PPP1R12A: variants seen among roughly 807,000 people sequenced by gnomAD.
PPP1R12A encodes the protein protein phosphatase 1 regulatory subunit 12A, also known as myosin binding subunit.
A neutral mutation model predicts 139.6 loss-of-function variants in PPP1R12A; 19 were observed. The ratio of observed to expected loss-of-function variants is 0.14; its 90% CI spans 0.09 to 0.20. The LOEUF (loss-of-function observed/expected upper bound fraction) is 0.20, where lower values mean the gene tolerates loss of function less well. Among genes scored for constraint, PPP1R12A ranks in the 10% least tolerant of loss-of-function variants. PPP1R12A has a pLI of 1.00. For synonymous variants in PPP1R12A, 427 were observed against 420.6 expected, an observed-to-expected ratio of 1.02 and a Z score of -0.19; for missense variants, 925 against 1,211.5, an observed-to-expected ratio of 0.76 and a Z score of 3.51.
At chr12:79,888,451 A>G (rs1884303328) in intron 1 of PPP1R12A, among the ~76,000 whole-genome samples, 1 of 152,180 alleles carries the variant, frequency 6.6e-6, no homozygotes, top group Non-Finnish European at 1.5e-5. Context: ...CTACATCAGA[A>G]CCCAGAGGGC....
intron 3 of PPP1R12A, among the ~76,000 whole-genome samples, chr12:79,842,334 G>A (rs1307203065): frequency 6.6e-6 from 1 of 152,044 alleles, no homozygotes. Context: ...CAAACCCGCA[G>A]TCATTAGGAA....
intron 1 of PPP1R12A, among the ~76,000 whole-genome samples, chr12:79,911,486 C>T (rs186778482): frequency 6.6e-6 from 1 of 152,202 alleles, no homozygotes. Context: ...GAAAAAATAC[C>T]ATTGAGTACT....
In PPP1R12A at chr12:79,820,808, ATCT is replaced by A. The variant is rs1218117552; in HGVS notation, c.1077_1079del (p.Glu359del). On this transcript the variant is annotated inframe_deletion, in exon 8 of 25. Transcript: ENST00000450142. ...CTTCTGATTCCGAGTCATCTTCCTC[ATCT>A]TCTTCACTAGAGCAGCTAGACTCAT... 3.1e-6 allele frequency: 5 copies of A among 1,613,346 alleles called. No individual in the cohort carries two copies. Among genetic ancestry groups the A allele is most frequent in the Non-Finnish European group, 4.2e-6 (5 of 1,179,736 alleles).
At chr12:79,813,851 C>T (rs944196705) in intron 9 of PPP1R12A, among the ~76,000 whole-genome samples, 2 of 152,156 alleles carry the variant, frequency 1.3e-5, no homozygotes, top group African/African-American at 2.4e-5. Flanking sequence ...AAAACTGTTT[C>T]GTGTGCTTCC....
intron 1 of PPP1R12A, among the ~76,000 whole-genome samples, chr12:79,925,360 TCTC>T (rs1380081917): frequency 6.6e-6 from 1 of 152,192 alleles, no homozygotes; most frequent in African/African-American, 2.4e-5. Context: ...CAAAATGTAT[TCTC>T]CTCTGCACTA....
At chr12:79,868,363 T>C (rs919298754) in intron 2 of PPP1R12A, among the ~76,000 whole-genome samples, 1 of 152,208 alleles carries the variant, frequency 6.6e-6, no homozygotes, top group Non-Finnish European at 1.5e-5. Flanking sequence ...ATTAACACTG[T>C]AATTTTTAAG....
At chr12:79,921,175 G>A (rs904218518) in intron 1 of PPP1R12A, among the ~76,000 whole-genome samples, 5 of 151,978 alleles carry the variant, frequency 3.3e-5, no homozygotes, top group African/African-American at 1.2e-4. Context: ...TTTTTTAGGT[G>A]TGTGCATGGT....
chr12:79,789,671 T>A (rs553386051), intron 20 of PPP1R12A: 65 of 454,028 alleles, frequency 1.4e-4, no homozygotes, highest in Non-Finnish European at 2.6e-4. Flanking sequence ...TTATTACTGG[T>A]CTTACAGGGC....
chr12:79,776,941 TAGG>T (rs1869800923), intron 24 of PPP1R12A, among the ~76,000 whole-genome samples: 1 of 152,122 alleles, frequency 6.6e-6, no homozygotes, highest in African/African-American at 2.4e-5. Flanking sequence ...TTTGCAAAAC[TAGG>T]TAAAGCAAAA....
intron 1 of PPP1R12A, among the ~76,000 whole-genome samples, chr12:79,876,584 AT>A (rs1377345652): frequency 8.5e-5 from 13 of 152,152 alleles, no homozygotes; most frequent in African/African-American, 2.9e-4. Context: ...TTATCAACAC[AT>A]TTCTCACCTG....
chr12:79,840,368 C>G (rs1354148498), intron 3 of PPP1R12A, among the ~76,000 whole-genome samples: 1 of 152,166 alleles, frequency 6.6e-6, no homozygotes, highest in Admixed American at 6.5e-5. Context: ...TCTCCAGGGT[C>G]ATCTCATCTA....
intron 1 of PPP1R12A, among the ~76,000 whole-genome samples, chr12:79,908,166 C>G (rs756413906): frequency 7.9e-5 from 12 of 152,132 alleles, no homozygotes; most frequent in Non-Finnish European, 1.5e-4. Context: ...ACAATGTTAA[C>G]TCTTACAGTG....
intron 1 of PPP1R12A, among the ~76,000 whole-genome samples, chr12:79,897,681 T>C (rs1279316860): frequency 6.6e-6 from 1 of 152,218 alleles, no homozygotes; most frequent in Non-Finnish European, 1.5e-5. Flanking sequence ...CTTAGAACTC[T>C]GAAATTCAGC....
rs1322735021 is a variant in PPP1R12A at position 79,798,169 on chromosome 12, CA to C, written c.2091+324del. Among the ~76,000 whole-genome samples, 10 of 152,084 alleles carry C rather than the reference CA, an allele frequency of 6.6e-5. No homozygotes were observed. In the East Asian group the frequency reaches 1.9e-3, roughly 29 times the overall value. On this transcript the variant is annotated intron_variant, in intron 15 of 24. Coordinates refer to ENST00000450142, the MANE Select transcript of PPP1R12A (RefSeq NM_002480.3). Reference sequence around the variant, plus strand: ...TTTATTCTAACCAAATACTCTGGGCCAGACACTGTATTAGGAATAAGGATTT... The same window carrying C: ...TTTATTCTAACCAAATACTCTGGGCCGACACTGTATTAGGAATAAGGATTT...
chr12:79,905,201 A>T (rs192815598), intron 1 of PPP1R12A, among the ~76,000 whole-genome samples: 31 of 152,312 alleles, frequency 2.0e-4, no homozygotes, highest in Admixed American at 2.6e-4. Context: ...CTGAGTAAAC[A>T]TTCTAACAAA....
chr12:79,845,184 C>A, intron 3 of PPP1R12A, 118 bp downstream of exon 3: 1 of 733,628 alleles, frequency 1.4e-6, no homozygotes, highest in Admixed American at 2.4e-5. Flanking sequence ...GTTTTGCAAG[C>A]TGAATTCATT....
At chr12:79,905,823 G>A (rs1886062305) in intron 1 of PPP1R12A, among the ~76,000 whole-genome samples, 1 of 152,108 alleles carries the variant, frequency 6.6e-6, no homozygotes, top group African/African-American at 2.4e-5. Flanking sequence ...CATTAAATGT[G>A]GAAAACTGTC....
chr12:79,816,605 C>T (rs1169218501), intron 9 of PPP1R12A, among the ~76,000 whole-genome samples: 1 of 152,022 alleles, frequency 6.6e-6, no homozygotes, highest in Non-Finnish European at 1.5e-5. Context: ...AAGATTAACA[C>T]ACTAACTGGA....
At chr12:79,928,101 C>T (rs1164618600) in intron 1 of PPP1R12A, among the ~76,000 whole-genome samples, 3 of 152,142 alleles carry the variant, frequency 2.0e-5, no homozygotes, top group African/African-American at 7.2e-5. Flanking sequence ...ATTTTTAAAA[C>T]ACTTTTCTTA....
Sources: allele counts gnomAD v4.1 joint callset (sites outside exome capture counted in the v4.1 genomes callset), GRCh38; gene constraint gnomAD v4.1.1; transcripts MANE v1.5; gene names NCBI Gene and HGNC (gene_info 2026-07-23, HGNC 2026-07-21).